The following CYLC1 variants were observed in gnomAD, a reference collection of about 807,000 sequenced individuals.
CYLC1 encodes cylicin 1, also known as cylicin-1.
CYLC1 carries 2 observed loss-of-function variants against 31.6 expected under a neutral mutation model. That is an observed-to-expected ratio of 0.06 (90% CI 0.03 to 0.20). CYLC1 has a LOEUF of 0.20. CYLC1 is among the 10% of genes least tolerant of loss of function. The probability of loss-of-function intolerance (pLI) is 1.00; values close to 1 mark genes in which losing one functional copy is unlikely to be tolerated. For synonymous variants in CYLC1, 185 were observed against 153.0 expected, an observed-to-expected ratio of 1.21 and a Z score of -1.54; for missense variants, 595 against 424.1, an observed-to-expected ratio of 1.40 and a Z score of -3.54.
chrX:83,882,808 T>G (rs1160265987), intron 4 of CYLC1, among the ~76,000 whole-genome samples: 2 of 111,115 alleles, frequency 1.8e-5, no homozygotes, highest in African/African-American at 6.5e-5. Flanking sequence ...CATCCTAAAT[T>G]TTGTCTATTA....
At chrX:83,877,814 T>G (rs1439695631) in intron 4 of CYLC1, among the ~76,000 whole-genome samples, 2 of 95,770 alleles carry the variant, frequency 2.1e-5, no homozygotes, top group African/African-American at 7.5e-5. Context: ...TTCATTTGTT[T>G]GTTAATTATA....
chrX:83,869,720 C>A, intron 1 of CYLC1, 145 bp from the exon 2 acceptor site: 1 of 244,500 alleles, frequency 4.1e-6, no homozygotes, highest in Non-Finnish European at 6.9e-6. Flanking sequence ...TAATGAGTGA[C>A]AATAAGACAG....
intron 4 of CYLC1, among the ~76,000 whole-genome samples, chrX:83,882,826 T>C (rs1215550846): frequency 1.8e-5 from 2 of 111,311 alleles, no homozygotes; most frequent in African/African-American, 6.5e-5. Context: ...TTAGCTCCTA[T>C]ATTCAAACAC....
At chrX:83,872,109 G>A (rs1290498066) in intron 3 of CYLC1, among the ~76,000 whole-genome samples, 1 of 111,028 alleles carries the variant, frequency 9.0e-6, no homozygotes, top group African/African-American at 3.3e-5. Context: ...TACATTTTTA[G>A]TGATCCAACT....
chrX:83,864,097 C>T (rs975234369), intron 1 of CYLC1, among the ~76,000 whole-genome samples: 1 of 111,269 alleles, frequency 9.0e-6, no homozygotes, highest in African/African-American at 3.3e-5. Flanking sequence ...AAAAAGATTT[C>T]CTTTTCTTAT....
At chrX:83,874,712 C>A in intron 4 of CYLC1, 81 bp downstream of exon 4, 3 of 982,826 alleles carry the variant, frequency 3.1e-6, no homozygotes, top group Non-Finnish European at 2.7e-6. Flanking sequence ...TATGTTTTCT[C>A]CAAATAATAG....
Position 83,873,011 on chromosome X carries a change from A to G in CYLC1, c.303A>G (p.Arg101=), listed in dbSNP as rs755426814. 27 of 1,201,837 alleles carry G rather than the reference A, an allele frequency of 2.2e-5. No homozygotes were observed. Among genetic ancestry groups the G allele is most frequent in the Middle Eastern group, 2.3e-4 (1 of 4,342 alleles). ...YTAAREQTPF[R]HLYTSKTHLK... is the part of the protein sequence containing the mutation. ...CTGCCAGGGAACAGACTCCATTCAG[A>G]CATCTTTATACTTCCAAAACCCATC... Residue 101 remains arginine (R), a synonymous_variant, in exon 4 of 5, where the codon AGA becomes AGG. Transcript: ENST00000329312.
At position 83,873,881 on chromosome X, in the gene CYLC1, A is replaced by T; in HGVS notation, c.1173A>T (p.Ser391=). The change falls in exon 4 of 5, where the codon TCA becomes TCT. Residue 391 remains serine (S), a synonymous_variant. Transcript: ENST00000329312. ...ATTCAAGAAATTTGAAGAAAGCTTC[A>T]AAGAATGATGACAAGAAAAAGGATG... ...RNDSRNLKKA[S]KNDDKKKDAK... is the part of the protein sequence containing the mutation. 2 of 1,199,029 alleles carry T rather than the reference A, an allele frequency of 1.7e-6. No individual in the cohort carries two copies. Among genetic ancestry groups the T allele is most frequent in the Non-Finnish European group, 2.3e-6 (2 of 887,554 alleles).
Position 83,874,192 on chromosome X carries a change from A to G in CYLC1, c.1484A>G (p.Asp495Gly), listed in dbSNP as rs1322979127. ...GAATCTGATTTGGAGTTAAAGAAGG[A>G]CAAGAAACACTCAAAGGAAAAGAAA... ...EMESDLELKK[D>G]KKHSKEKKGS... Residue 495 changes from aspartate to glycine, a missense_variant, in exon 4 of 5, where the codon GAC becomes GGC. Physicochemically the swap from Asp to Gly is moderately conservative, Grantham distance 94. Transcript: ENST00000329312. 1 of 1,203,561 alleles carries G rather than the reference A, an allele frequency of 8.3e-7. No homozygotes were observed. The highest frequency in any genetic ancestry group is 1.8e-5 in the African/African-American group (1 of 56,742).
intron 4 of CYLC1, among the ~76,000 whole-genome samples, chrX:83,884,977 G>A (rs2031962439): frequency 9.0e-6 from 1 of 111,117 alleles, no homozygotes; most frequent in African/African-American, 3.3e-5. Flanking sequence ...ACCATTCTCT[G>A]AGCTATGAAT....
At chrX:83,878,466 T>TATATATAA (rs2031858341) in intron 4 of CYLC1, among the ~76,000 whole-genome samples, 2 of 18,132 alleles carry the variant, frequency 1.1e-4, no homozygotes, top group Non-Finnish European at 2.0e-4. Context: ...TATATATAAA[T>TATATATAA]ATATATATAA....
At chrX:83,877,980 A>C (rs1228076948) in intron 4 of CYLC1, among the ~76,000 whole-genome samples, 1 of 73,286 alleles carries the variant, frequency 1.4e-5, no homozygotes, top group African/African-American at 5.3e-5. Flanking sequence ...TTGTATATAA[A>C]TATAAATATA....
chrX:83,868,816 G>A (rs985607634), intron 1 of CYLC1, among the ~76,000 whole-genome samples: 1 of 110,465 alleles, frequency 9.1e-6, no homozygotes, highest in Non-Finnish European at 1.9e-5. Flanking sequence ...ATATTAATAT[G>A]TGGCATTATA....
At chrX:83,880,265 C>T (rs1426439175) in intron 4 of CYLC1, among the ~76,000 whole-genome samples, 1 of 111,223 alleles carries the variant, frequency 9.0e-6, no homozygotes, top group Non-Finnish European at 1.9e-5. Context: ...CTTGGCTGTC[C>T]GTATTAGTGA....
chrX:83,861,247 G>A (rs1257359074), intron 1 of CYLC1, 48 bp downstream of exon 1: 3 of 921,939 alleles, frequency 3.3e-6, no homozygotes, highest in Non-Finnish European at 4.6e-6. Flanking sequence ...TAGCCAATAT[G>A]CTCAATTTAG....
intron 4 of CYLC1, among the ~76,000 whole-genome samples, chrX:83,877,741 C>T (rs771519328): frequency 2.1e-4 from 22 of 103,192 alleles, no homozygotes; most frequent in Admixed American, 6.9e-4. Context: ...AGTCACCCTC[C>T]GAACACTGCA....
In CYLC1 at chrX:83,873,956, G is replaced by T. The variant is rs1480711790; in HGVS notation, c.1248G>T (p.Lys416Asn). Residue 416 changes from lysine to asparagine, a missense_variant, in exon 4 of 5, where the codon AAG becomes AAT. Physicochemically the swap from Lys to Asn is moderately conservative, Grantham distance 94. Coordinates refer to ENST00000329312, the MANE Select transcript of CYLC1 (RefSeq NM_021118.3). The stretch of plus-strand genomic sequence containing the variant: ...ATTCTGAATCTGAACTGGAGTCAAA[G>T]GAGAGTCAGAAAGATGAAAAAAAGG... ...STDSESELES[K>N]ESQKDEKKDK... is the part of the protein sequence containing the mutation. The T allele has an allele frequency of 8.5e-7, 1 of 1,178,723 alleles. No individual in the cohort carries two copies. The highest frequency in any genetic ancestry group is 3.0e-5 in the East Asian group (1 of 32,831).
intron 4 of CYLC1, among the ~76,000 whole-genome samples, chrX:83,877,490 ACTT>A (rs746191396): frequency 1.0e-4 from 11 of 109,957 alleles, no homozygotes; most frequent in Non-Finnish European, 1.9e-4. Context: ...ATCATGTAGC[ACTT>A]CTTCTCTTTT....
chrX:83,877,202 C>T (rs935207238), intron 4 of CYLC1, among the ~76,000 whole-genome samples: 1 of 111,102 alleles, frequency 9.0e-6, no homozygotes, highest in Non-Finnish European at 1.9e-5. Flanking sequence ...GACTTGTTTA[C>T]TCTACCTCCA....
Sources: gnomAD v4.1 joint callset for allele counts (sites outside exome capture counted in the v4.1 genomes callset) on GRCh38, gnomAD v4.1.1 for gene constraint, MANE v1.5 for transcripts, NCBI Gene and HGNC (gene_info 2026-07-23, HGNC 2026-07-21) for gene names.